NFIC: variants seen among roughly 807,000 people sequenced by gnomAD.
NFIC encodes the protein nuclear factor I C.
Under a neutral mutation model 54.4 loss-of-function variants are expected in NFIC, and 12 were observed. That is an observed-to-expected ratio of 0.22 (90% CI 0.14 to 0.36). NFIC has a LOEUF of 0.36. Ranked by LOEUF, NFIC falls within the 10% of genes least tolerant of loss-of-function variation. NFIC has a pLI of 1.00. For synonymous variants in NFIC, 322 were observed against 319.2 expected (o/e 1.01, Z -0.09); for missense variants, 575 against 718.2 (o/e 0.80, Z 2.28).
At chr19:3,394,429 G>T (rs1337098387) in intron 2 of NFIC, among the ~76,000 whole-genome samples, 1 of 150,418 alleles carries the variant, frequency 6.6e-6, no homozygotes, top group Non-Finnish European at 1.5e-5. Flanking sequence ...CCAGCGAGCT[G>T]TGATTGTGTC....
chr19:3,359,764 A>C (rs571461495), intron 1 of NFIC: 1 of 1,326,520 alleles, frequency 7.5e-7, no homozygotes, highest in Admixed American at 3.3e-5. Flanking sequence ...AAGTTGCAAG[A>C]TCTGGGGGGA....
chr19:3,415,635 C>T lies in NFIC; in HGVS notation c.563-9471C>T, dbSNP rs143520886. Among the ~76,000 whole-genome samples the T allele has an allele frequency of 6.8e-3, 1,036 of 152,182 alleles. 7 individuals are homozygous for T. The highest frequency in any genetic ancestry group is 8.9e-3 in the Non-Finnish European group (605 of 68,004). ...CCCAGGCTACACCCCTGTAGCCCCC[C>T]AACCCCTGCAAACTTGTTATTTAAG... On this transcript the variant is annotated intron_variant, in intron 2 of 10. Transcript: ENST00000443272.
chr19:3,394,836 T>G (rs1259483078), intron 2 of NFIC, among the ~76,000 whole-genome samples: 1 of 151,974 alleles, frequency 6.6e-6, no homozygotes, highest in Non-Finnish European at 1.5e-5. Context: ...GGATCCAGGT[T>G]GCGTGCTCCT....
chr19:3,359,723 C>G (rs1568389597), intron 1 of NFIC: 3 of 1,415,690 alleles, frequency 2.1e-6, no homozygotes, highest in Admixed American at 5.1e-5. Flanking sequence ...CGCCCGGGGA[C>G]TTTTTGGGGT....
At position 3,463,017 on chromosome 19, in the gene NFIC, C is replaced by G; in HGVS notation, c.*248C>G. ...AGCAAGAAGACAAAAGGTAAAGACG[C>G]AACGTTTCCAACTCTCGGGACGCCA... is the stretch of plus-strand genomic sequence containing the variant. On this transcript the variant is annotated 3_prime_UTR_variant, in exon 11 of 11. Transcript: ENST00000443272. 2.9e-6 allele frequency: 4 copies of G among 1,370,348 alleles called. No individual in the cohort carries two copies. The highest frequency in any genetic ancestry group is 3.7e-6 in the Non-Finnish European group (4 of 1,066,834). The allele number at this position is 1,370,348 out of a possible 1,614,324, so 84.9% of individuals were successfully genotyped here.
chr19:3,392,415 A>G (rs887600332), intron 2 of NFIC, among the ~76,000 whole-genome samples: 1 of 152,158 alleles, frequency 6.6e-6, no homozygotes, highest in Non-Finnish European at 1.5e-5. Context: ...TTTGCATGTG[A>G]TGAGTGCTGG....
chr19:3,438,077 G>C lies in NFIC; in HGVS notation c.958+2870G>C, dbSNP rs148970808. Among the ~76,000 whole-genome samples the C allele has an allele frequency of 6.6e-3, 1,000 of 152,282 alleles. 17 individuals are homozygous for C. Among genetic ancestry groups the C allele is most frequent in the African/African-American group, 0.022 (926 of 41,548 alleles). On this transcript the variant is annotated intron_variant, in intron 6 of 10. Coordinates refer to ENST00000443272, the MANE Select transcript of NFIC (RefSeq NM_001245002.2). The stretch of plus-strand genomic sequence containing the variant: ...AATTAAAGTGAAAGACCACCTTTGC[G>C]ATGAGCCAAAGCAACCCTGAGAGGA...
chr19:3,444,819 T>A (rs888577852), intron 6 of NFIC, among the ~76,000 whole-genome samples: 1 of 151,796 alleles, frequency 6.6e-6, no homozygotes, highest in Non-Finnish European at 1.5e-5. Context: ...ACACACACGC[T>A]TGCACACACG....
chr19:3,394,531 C>CCCCCCCA (rs1192097514), intron 2 of NFIC, among the ~76,000 whole-genome samples: 1 of 48,988 alleles, frequency 2.0e-5, no homozygotes, highest in African/African-American at 5.5e-5. Flanking sequence ...CCACCCCCCA[C>CCCCCCCA]CCGCTTACAC....
chr19:3,413,832 T>G (rs1231470048), intron 2 of NFIC, among the ~76,000 whole-genome samples: 1 of 152,050 alleles, frequency 6.6e-6, no homozygotes, highest in Non-Finnish European at 1.5e-5. Context: ...AGACAGGGTT[T>G]CGCTATGTTG....
chr19:3,404,482 C>T (rs2081611608), intron 2 of NFIC, among the ~76,000 whole-genome samples: 1 of 152,162 alleles, frequency 6.6e-6, no homozygotes, highest in African/African-American at 2.4e-5. Flanking sequence ...GGCCGCCCTG[C>T]TGTTGGCACC....
Position 3,376,721 on chromosome 19 carries a change from T to TTTTA in NFIC, c.31-4971_31-4968dup, listed in dbSNP as rs1258218975. 4.6e-4 allele frequency among the ~76,000 whole-genome samples: 70 copies of TTTTA among 152,090 alleles called. 5 individuals are homozygous for TTTTA. The highest frequency in any genetic ancestry group is 8.3e-4 in the South Asian group (4 of 4,814). On this transcript the variant is annotated intron_variant, in intron 1 of 10. Transcript: ENST00000443272. The stretch of plus-strand genomic sequence containing the variant: ...TGCACTCCAGTGAGACGCCTGTCTT[T>TTTTA]TTTATTTATTTATTTATTTATTTTG...
chr19:3,363,260 TATA>T (rs2080837672), upstream of NFIC, among the ~76,000 whole-genome samples: 3 of 76,634 alleles, frequency 3.9e-5, no homozygotes, highest in Admixed American at 1.7e-4. Context: ...TATATATATA[TATA>T]TATATATTTT....
intron 7 of NFIC, among the ~76,000 whole-genome samples, chr19:3,451,729 T>C (rs1361082715): frequency 6.6e-6 from 1 of 150,868 alleles, no homozygotes; most frequent in Admixed American, 6.6e-5. Flanking sequence ...TGGGCTGGGT[T>C]CAAATTCCCG....
chr19:3,406,739 A>G (rs2145556491), intron 2 of NFIC, among the ~76,000 whole-genome samples: 1 of 152,118 alleles, frequency 6.6e-6, no homozygotes, highest in African/African-American at 2.4e-5. Flanking sequence ...CTGTGGTCAC[A>G]TTTTTCAGGA....
At chr19:3,414,558 G>A (rs549455110) in intron 2 of NFIC, among the ~76,000 whole-genome samples, 5 of 151,638 alleles carry the variant, frequency 3.3e-5, no homozygotes, top group Admixed American at 1.3e-4. Context: ...TCACGTCACC[G>A]CACTCCAGTC....
chr19:3,380,255 TG>T (rs1193236217), intron 1 of NFIC, among the ~76,000 whole-genome samples: 1 of 150,106 alleles, frequency 6.7e-6, no homozygotes, highest in Non-Finnish European at 1.5e-5. Context: ...CTGCCCGCCT[TG>T]GCCTCCCAAA....
rs1014688101 is a variant in NFIC at position 3,459,739 on chromosome 19, C to T, written c.1510-3013C>T. ...GGGGAGGGTCACGCCCAGAGTCTGT[C>T]GGTTGCCAACAGAAACCAGACATGA... On this transcript the variant is annotated intron_variant, in intron 10 of 10. Transcript: ENST00000443272. The surrounding 1 kb of genome is among the most constrained non-coding windows in gnomAD (Gnocchi z 4.2). Among the ~76,000 whole-genome samples, 9 of 152,188 alleles carry T rather than the reference C, an allele frequency of 5.9e-5. No homozygotes were observed. Among genetic ancestry groups the T allele is most frequent in the Admixed American group, 3.3e-4 (5 of 15,288 alleles).
upstream of NFIC, among the ~76,000 whole-genome samples, chr19:3,363,227 A>G (rs1455417756): frequency 4.9e-4 from 22 of 45,192 alleles, no homozygotes; most frequent in Admixed American, 2.0e-3. Context: ...ATGTATATGT[A>G]TGTGTATGTG....
Sources: gnomAD v4.1 joint callset for allele counts (sites outside exome capture counted in the v4.1 genomes callset) on GRCh38, gnomAD v4.1.1 for gene constraint, Gnocchi (gnomAD v3.1) non-coding constraint, MANE v1.5 for transcripts, NCBI Gene and HGNC (gene_info 2026-07-23, HGNC 2026-07-21) for gene names.